Variants in FREM1 observed in about 807,000 individuals in gnomAD.
FREM1 encodes the protein FRAS1 related extracellular matrix 1.
A neutral mutation model predicts 210.1 loss-of-function variants in FREM1; 220 were observed. The ratio of observed to expected loss-of-function variants is 1.05; its 90% CI spans 0.94 to 1.17. The LOEUF is 1.17. Among genes scored for constraint, FREM1 ranks in the 50% most tolerant of loss-of-function variants. The probability of loss-of-function intolerance (pLI) is 0.00; values close to 1 mark genes in which losing one functional copy is unlikely to be tolerated. For synonymous variants in FREM1, 1,189 were observed against 980.2 expected (o/e 1.21, Z -3.98); for missense variants, 3,454 against 2,675.5 (o/e 1.29, Z -6.42).
chr9:14,819,331 G>T lies in FREM1; in HGVS notation c.2449C>A (p.Arg817=). ...TKLDNIDLSL[R]ELPLHGRVEL... ...ACCCTTCCGTGCAGAGGCAATTCCC[G>T]CAGGGAGAGGTCAATATTGTCCAGC... The change falls in exon 14 of 37, where the codon CGG becomes AGG. Residue 817 remains arginine, a synonymous_variant. Coordinates refer to ENST00000380880, the MANE Select transcript of FREM1 (RefSeq NM_001379081.2). The T allele has an allele frequency of 1.2e-6, 2 of 1,613,626 alleles. No individual in the cohort carries two copies. The highest frequency in any genetic ancestry group is 1.3e-5 in the African/African-American group (1 of 75,038).
intron 1 of FREM1, among the ~76,000 whole-genome samples, chr9:14,887,132 T>G (rs1490925144): frequency 6.6e-6 from 1 of 152,164 alleles, no homozygotes; most frequent in Non-Finnish European, 1.5e-5. Flanking sequence ...AAATCAGAAC[T>G]GTGTCCTCAG....
chr9:14,768,071 T>C (rs1846771574), intron 27 of FREM1, among the ~76,000 whole-genome samples: 1 of 152,150 alleles, frequency 6.6e-6, no homozygotes, highest in Non-Finnish European at 1.5e-5. Flanking sequence ...TAAATCATCT[T>C]CCAAAAGCAA....
chr9:14,806,810 G>C lies in FREM1; in HGVS notation c.3125C>G (p.Ala1042Gly). 6.2e-7 allele frequency: 1 copy of C among 1,607,152 alleles called. No individual in the cohort carries two copies. The highest frequency in any genetic ancestry group is 8.5e-7 in the Non-Finnish European group (1 of 1,176,402). ...GGCGGACAAATGGTTAACAGTAAGG[G>C]CTGTTGAGCAGCCCTCATCTACAAC... The part of the protein sequence containing the change: ...VFVVDEGCST[A>G]LTVNHLSATD... Residue 1042 changes from alanine to glycine, a missense_variant, in exon 18 of 37, where the codon GCC (alanine) becomes GGC (glycine). Ala to Gly is a moderately conservative substitution (Grantham distance 60). Coordinates refer to ENST00000380880, the MANE Select transcript of FREM1 (RefSeq NM_001379081.2).
chr9:14,812,461 G>A (rs1223011145), intron 16 of FREM1, among the ~76,000 whole-genome samples: 1 of 152,232 alleles, frequency 6.6e-6, no homozygotes, highest in African/African-American at 2.4e-5. Flanking sequence ...TACCTTAGGA[G>A]CTTGCTTCAG....
intron 1 of FREM1, among the ~76,000 whole-genome samples, chr9:14,909,042 T>C (rs1273286838): frequency 6.6e-6 from 1 of 152,090 alleles, no homozygotes; most frequent in Non-Finnish European, 1.5e-5. Context: ...CTGAAGAGCA[T>C]TCGAATCACT....
upstream of FREM1, among the ~76,000 whole-genome samples, chr9:14,910,595 G>T (rs572036453): frequency 1.8e-3 from 271 of 151,968 alleles, no homozygotes; most frequent in African/African-American, 6.4e-3. Context: ...AAACACGATA[G>T]ACACACAATC....
chr9:14,772,336 A>G (rs1847719598), intron 25 of FREM1, among the ~76,000 whole-genome samples: 2 of 152,174 alleles, frequency 1.3e-5, no homozygotes, highest in Non-Finnish European at 2.9e-5. Flanking sequence ...TCTCGACCTG[A>G]GACTGAGTTC....
intron 1 of FREM1, among the ~76,000 whole-genome samples, chr9:14,876,850 C>G (rs1203159953): frequency 6.6e-6 from 1 of 152,158 alleles, no homozygotes; most frequent in Non-Finnish European, 1.5e-5. Context: ...GGTTGTTGAA[C>G]TTTGACAAGA....
chr9:14,744,958 T>C (rs1337080392), intron 35 of FREM1, among the ~76,000 whole-genome samples: 1 of 152,206 alleles, frequency 6.6e-6, no homozygotes, highest in Non-Finnish European at 1.5e-5. Flanking sequence ...CAAGATTATG[T>C]CCTTTGCAGG....
chr9:14,745,651 A>G (rs1282971088), intron 35 of FREM1, among the ~76,000 whole-genome samples: 5 of 152,242 alleles, frequency 3.3e-5, no homozygotes, highest in Admixed American at 2.0e-4. Flanking sequence ...AATAATAACC[A>G]GAGACTTCCC....
At chr9:14,794,784 G>C (rs1308961871) in intron 21 of FREM1, among the ~76,000 whole-genome samples, 1 of 152,064 alleles carries the variant, frequency 6.6e-6, no homozygotes, top group Non-Finnish European at 1.5e-5. Flanking sequence ...CAGATCACGA[G>C]GTCAGGAGAT....
Position 14,770,677 on chromosome 9 carries a change from T to C in FREM1, c.4987A>G (p.Thr1663Ala). 2 of 1,613,564 alleles carry C rather than the reference T, an allele frequency of 1.2e-6. No homozygotes were observed. The highest frequency in any genetic ancestry group is 8.5e-7 in the Non-Finnish European group (1 of 1,179,572). Residue 1663 changes from threonine to alanine, a missense_variant, in exon 26 of 37, where the codon ACT (threonine) becomes GCT (alanine). By Grantham distance (58) the Thr-to-Ala change is moderately conservative (BLOSUM62 0). Transcript: ENST00000380880. Reference sequence around the variant, plus strand: ...TTAAAGATGATCTGATCGTCCTCAGTGTCAGGGTCTGATGCCTTCAACACG... The same window carrying C: ...TTAAAGATGATCTGATCGTCCTCAGCGTCAGGGTCTGATGCCTTCAACACG... ...SRVLKASDPD[T>A]EDDQIIFKIL...
In FREM1 at chr9:14,845,903, A is replaced by C. The variant is rs373293982; in HGVS notation, c.1393+57T>G. ...CTACATATATCTGTTAAATATATCT[A>C]CTTTTGAAGAAAATACTTTTGGATT... On this transcript the variant is annotated intron_variant, in intron 8 of 36. Coordinates refer to ENST00000380880, the MANE Select transcript of FREM1 (RefSeq NM_001379081.2). 3.2e-6 allele frequency: 5 copies of C among 1,580,838 alleles called. No homozygotes were observed. The African/African-American group carries it at 6.7e-5, about 21-fold the overall frequency.
At chr9:14,829,961 G>T (rs1418339209) in intron 10 of FREM1, among the ~76,000 whole-genome samples, 3 of 152,150 alleles carry the variant, frequency 2.0e-5, no homozygotes, top group African/African-American at 7.2e-5. Flanking sequence ...ATGGAAGAAG[G>T]TGACACAAAA....
At chr9:14,778,365 C>A (rs1389733500) in intron 24 of FREM1, among the ~76,000 whole-genome samples, 1 of 151,180 alleles carries the variant, frequency 6.6e-6, no homozygotes, top group Non-Finnish European at 1.5e-5. Context: ...AAACCCAGTA[C>A]CTTGGCTGGC....
Position 14,789,026 on chromosome 9 carries a change from C to T in FREM1, c.4070G>A (p.Gly1357Glu). 1 of 1,611,452 alleles carries T rather than the reference C, an allele frequency of 6.2e-7. No individual in the cohort carries two copies. Among genetic ancestry groups the T allele is most frequent in the Non-Finnish European group, 8.5e-7 (1 of 1,178,884 alleles). ...DLNLLRYTHTGAMDSQNQDSF... is the reference protein window; with the variant it reads ...DLNLLRYTHTEAMDSQNQDSF... ...ATCTTGATTCTGGGAATCCATTGCC[C>T]CGGTGTGTGTGTATCTCAGCAAGTT... The change falls in exon 23 of 37, where the codon GGG becomes GAG. Residue 1357 changes from glycine (G) to glutamate (E), a missense_variant. By Grantham distance (98) the Gly-to-Glu change is moderately conservative. Transcript: ENST00000380880.
chr9:14,901,186 G>T (rs1434758681), intron 1 of FREM1, among the ~76,000 whole-genome samples: 1 of 152,176 alleles, frequency 6.6e-6, no homozygotes, highest in African/African-American at 2.4e-5. Flanking sequence ...GTATGTAATA[G>T]ATCTCTCTAA....
At chr9:14,846,251 A>T (rs1826590396) in intron 7 of FREM1, among the ~76,000 whole-genome samples, 160 bp from the exon 8 acceptor site, 1 of 152,222 alleles carries the variant, frequency 6.6e-6, no homozygotes, top group Non-Finnish European at 1.5e-5. Context: ...CAGCAAACTA[A>T]CACAGGAACA....
intron 36 of FREM1, 73 bp from the exon 37 acceptor site, chr9:14,737,668 T>C (rs1199522213): frequency 8.1e-7 from 1 of 1,241,120 alleles, no homozygotes; most frequent in South Asian, 2.0e-5. Flanking sequence ...CAGCTGTTGC[T>C]CTAAGCTCAG....
Sources: gnomAD v4.1 joint callset for allele counts (sites outside exome capture counted in the v4.1 genomes callset) on GRCh38, gnomAD v4.1.1 for gene constraint, MANE v1.5 for transcripts, NCBI Gene and HGNC (gene_info 2026-07-23, HGNC 2026-07-21) for gene names.